Variants in POLH observed in about 807,000 individuals in gnomAD.
The protein encoded by POLH is DNA polymerase eta transcript.
Under a neutral mutation model 73.6 loss-of-function variants are expected in POLH, and 53 were observed. That is an observed-to-expected ratio of 0.72 (90% CI 0.58 to 0.91). POLH has a LOEUF of 0.91. Ranked by LOEUF, POLH falls within the 40% of genes least tolerant of loss-of-function variation. The pLI, the probability that POLH is intolerant of heterozygous loss-of-function variation, is 0.00. For missense variants in POLH, 768 were observed against 865.4 expected, an observed-to-expected ratio of 0.89 and a Z score of 1.41; for synonymous variants, 292 against 308.5, an observed-to-expected ratio of 0.95 and a Z score of 0.56.
chr6:43,598,355 G>C (rs1766334782), intron 5 of POLH, among the ~76,000 whole-genome samples: 1 of 151,926 alleles, frequency 6.6e-6, no homozygotes, highest in Non-Finnish European at 1.5e-5. Context: ...GGCCGGGCAT[G>C]GGGGCTCACG....
At chr6:43,580,485 G>A (rs1763940890) in intron 1 of POLH, among the ~76,000 whole-genome samples, 1 of 149,246 alleles carries the variant, frequency 6.7e-6, no homozygotes, top group Non-Finnish European at 1.5e-5. Context: ...AGTAGGGGCG[G>A]CCGGGCAGAG....
chr6:43,590,574 G>A (rs1765349868), intron 4 of POLH, among the ~76,000 whole-genome samples: 1 of 149,584 alleles, frequency 6.7e-6, no homozygotes, highest in Non-Finnish European at 1.5e-5. Flanking sequence ...TTTTTTAATT[G>A]AATATTATGA....
chr6:43,583,079 GT>G lies in POLH; in HGVS notation c.212del (p.Leu71TyrfsTer29). The G allele has an allele frequency of 6.2e-7, 1 of 1,613,822 alleles. No homozygotes were observed. The highest frequency in any genetic ancestry group is 8.5e-7 in the Non-Finnish European group (1 of 1,179,780). ...RSMWADDAKKLCPDLLLAQVR... is the reference protein window; with the variant it reads ...RSMWADDAKKXCPDLLLAQVR... ...GTATGTGGGCAGATGATGCTAAGAA[GT>G]TATGTCCAGATCTTCTACTGGCACA... On this transcript the variant is annotated frameshift_variant, in exon 3 of 11. Transcript: ENST00000372236. LOFTEE classifies it high-confidence loss of function.
At chr6:43,581,261 G>A (rs1453813626) in intron 1 of POLH, among the ~76,000 whole-genome samples, 2,454 of 148,682 alleles carry the variant, frequency 0.017, 16 homozygotes, top group Non-Finnish European at 0.027. Flanking sequence ...AGATGGGGCG[G>A]CGGGGCAGAG....
chr6:43,597,477 A>G (rs950000947), intron 4 of POLH, among the ~76,000 whole-genome samples: 2 of 152,348 alleles, frequency 1.3e-5, no homozygotes, highest in Non-Finnish European at 2.9e-5. Flanking sequence ...TTTGTCGTAC[A>G]TTAGCACTAT....
At position 43,583,061 on chromosome 6, in the gene POLH, G is replaced by A; in HGVS notation, c.192G>A (p.Trp64Ter). The change falls in exon 3 of 11, where the codon TGG becomes TGA. Residue 64 changes from tryptophan to a stop codon, truncating the protein, a stop_gained. Coordinates refer to ENST00000372236, the MANE Select transcript of POLH (RefSeq NM_006502.3). LOFTEE classifies it high-confidence loss of function. ...ARAFGVTRSM[W>*]ADDAKKLCPD... The stretch of plus-strand genomic sequence containing the variant: ...CATTTGGAGTCACTAGAAGTATGTG[G>A]GCAGATGATGCTAAGAAGTTATGTC... 6.2e-7 allele frequency: 1 copy of A among 1,613,482 alleles called. No individual in the cohort carries two copies. The highest frequency in any genetic ancestry group is 1.1e-5 in the South Asian group (1 of 91,062).
chr6:43,604,317 C>T (rs1475857562), intron 7 of POLH, among the ~76,000 whole-genome samples: 2 of 152,132 alleles, frequency 1.3e-5, no homozygotes, highest in African/African-American at 2.4e-5. Context: ...GTTTAATGCC[C>T]TAGCAAGCAC....
At chr6:43,609,501 C>T (rs761251135) in intron 9 of POLH, among the ~76,000 whole-genome samples, 14 of 152,164 alleles carry the variant, frequency 9.2e-5, no homozygotes, top group Non-Finnish European at 1.8e-4. Context: ...GAATTTTCAC[C>T]TTCTTATATT....
At chr6:43,609,771 C>G (rs777555828) in intron 9 of POLH, among the ~76,000 whole-genome samples, 7 of 152,106 alleles carry the variant, frequency 4.6e-5, no homozygotes, top group Admixed American at 1.3e-4. Flanking sequence ...AATTACTTAC[C>G]TGAAACCTTC....
At chr6:43,581,914 A>G (rs1404874360) in intron 1 of POLH, among the ~76,000 whole-genome samples, 13 of 151,384 alleles carry the variant, frequency 8.6e-5, no homozygotes, top group Admixed American at 8.5e-4. Flanking sequence ...CTCAAGATCG[A>G]GTGAAAGAAT....
intron 4 of POLH, among the ~76,000 whole-genome samples, chr6:43,589,658 G>A (rs1327600908): frequency 6.7e-6 from 1 of 149,528 alleles, no homozygotes; most frequent in Admixed American, 6.6e-5. Flanking sequence ...TTTTGAGATG[G>A]AAGTCTCACT....
intron 1 of POLH, among the ~76,000 whole-genome samples, chr6:43,581,301 G>T (rs866764031): frequency 6.9e-6 from 1 of 145,928 alleles, no homozygotes; most frequent in Non-Finnish European, 1.5e-5. Flanking sequence ...CGATGGGCGG[G>T]CGGGCAGAGA....
chr6:43,595,384 C>T (rs1406452420), intron 4 of POLH, among the ~76,000 whole-genome samples: 2 of 151,974 alleles, frequency 1.3e-5, no homozygotes, highest in Non-Finnish European at 2.9e-5. Context: ...ATCTGCCTGC[C>T]TTGGCCTCCC....
intron 1 of POLH, among the ~76,000 whole-genome samples, chr6:43,577,814 G>A (rs1354056748): frequency 6.6e-6 from 1 of 152,102 alleles, no homozygotes; most frequent in Non-Finnish European, 1.5e-5. Context: ...GCCTGGCGCG[G>A]TGGCACACGC....
At chr6:43,588,973 G>A (rs545171076) in intron 4 of POLH, among the ~76,000 whole-genome samples, 7 of 152,188 alleles carry the variant, frequency 4.6e-5, no homozygotes, top group Non-Finnish European at 7.4e-5. Context: ...GAGTAGCTGG[G>A]ATTACGGGCG....
intron 5 of POLH, among the ~76,000 whole-genome samples, chr6:43,600,658 T>G (rs1034495893): frequency 2.0e-5 from 3 of 152,184 alleles, no homozygotes; most frequent in Admixed American, 6.6e-5. Context: ...GAAATGCATC[T>G]TGCTTGAGTT....
rs909174318 is a variant in POLH at position 43,618,241 on chromosome 6, C to T, written c.*3684C>T. On this transcript the variant is annotated 3_prime_UTR_variant, in exon 11 of 11. Transcript: ENST00000372236. Reference sequence around the variant, plus strand: ...TGCAATCTTGGCTCACTGCAACCTCCGTCTCTCGGGTTCAAGCAATTCTCC... The same window carrying T: ...TGCAATCTTGGCTCACTGCAACCTCTGTCTCTCGGGTTCAAGCAATTCTCC... 6.6e-5 allele frequency among the ~76,000 whole-genome samples: 10 copies of T among 152,032 alleles called. No homozygotes were observed. The highest frequency in any genetic ancestry group is 1.9e-4 in the East Asian group (1 of 5,176).
chr6:43,587,414 G>T lies in POLH; in HGVS notation c.415G>T (p.Ala139Ser). 1 of 1,614,178 alleles carries T rather than the reference G, an allele frequency of 6.2e-7. No homozygotes were observed. Among genetic ancestry groups the T allele is most frequent in the Non-Finnish European group, 8.5e-7 (1 of 1,180,006 alleles). Residue 139 changes from alanine to serine, a missense_variant, in exon 4 of 11, where the codon GCA (alanine) becomes TCA (serine). Physicochemically the swap from Ala to Ser is moderately conservative, Grantham distance 99. Transcript: ENST00000372236. Reference protein sequence around the residue: ...LQKLQGQPISADLLPSTYIEG... With the variant: ...LQKLQGQPISSDLLPSTYIEG... The stretch of plus-strand genomic sequence containing the variant: ...AAAGCTACAAGGTCAGCCTATCTCG[G>T]CAGACTTGTTGCCAAGCACTTACAT...
intron 1 of POLH, chr6:43,578,536 A>T: frequency 2.9e-6 from 1 of 340,974 alleles, no homozygotes; most frequent in Non-Finnish European, 5.6e-6. Context: ...AAAAAAAAAA[A>T]GTGTCATGGT....
Sources: gnomAD v4.1 joint callset for allele counts (sites outside exome capture counted in the v4.1 genomes callset) on GRCh38, gnomAD v4.1.1 for gene constraint, MANE v1.5 for transcripts, NCBI Gene and HGNC (gene_info 2026-07-23, HGNC 2026-07-21) for gene names.